AOPEP: variants seen among roughly 807,000 people sequenced by gnomAD.
AOPEP encodes the protein aminopeptidase O (putative).
AOPEP carries 77 observed loss-of-function variants against 98.1 expected under a neutral mutation model. That is an observed-to-expected ratio of 0.78 (90% CI 0.65 to 0.95). AOPEP has a LOEUF of 0.95. Among genes scored for constraint, AOPEP ranks in the 40% least tolerant of loss-of-function variants. The pLI is 0.00. For missense variants in AOPEP, 1,024 were observed against 1,024.7 expected, an observed-to-expected ratio of 1.00 and a Z score of 0.01; for synonymous variants, 346 against 365.3, an observed-to-expected ratio of 0.95 and a Z score of 0.60.
intron 6 of AOPEP, among the ~76,000 whole-genome samples, chr9:94,927,811 C>T (rs1381691573): frequency 1.3e-5 from 2 of 152,252 alleles, no homozygotes; most frequent in African/African-American, 2.4e-5. Flanking sequence ...CTTCCCTCCC[C>T]AGTGGGTGCT....
chr9:95,052,034 T>G (rs2066421639), intron 13 of AOPEP, among the ~76,000 whole-genome samples: 1 of 152,224 alleles, frequency 6.6e-6, no homozygotes, highest in South Asian at 2.1e-4. Flanking sequence ...AAATTTGTAT[T>G]TTTTAGATAT....
At chr9:94,727,241 C>G (rs1320074894) in intron 1 of AOPEP, among the ~76,000 whole-genome samples, 1 of 152,164 alleles carries the variant, frequency 6.6e-6, no homozygotes, top group Non-Finnish European at 1.5e-5. Context: ...TTTGGGGTCC[C>G]TATAGAACAT....
intron 3 of AOPEP, among the ~76,000 whole-genome samples, chr9:94,785,096 G>A (rs756192715): frequency 4.1e-4 from 62 of 151,666 alleles, no homozygotes; most frequent in Non-Finnish European, 7.9e-4. Context: ...CACTATGCCC[G>A]GCTAATTTTG....
At chr9:94,832,258 A>G (rs1426751729) in intron 5 of AOPEP, among the ~76,000 whole-genome samples, 1 of 152,232 alleles carries the variant, frequency 6.6e-6, no homozygotes, top group Non-Finnish European at 1.5e-5. Context: ...AGCTAGAGAT[A>G]AGAACAAACA....
At chr9:95,013,513 CTACAA>C (rs1208008803) in intron 13 of AOPEP, among the ~76,000 whole-genome samples, 2 of 150,802 alleles carry the variant, frequency 1.3e-5, no homozygotes, top group Non-Finnish European at 2.9e-5. Flanking sequence ...TGGACTGTGT[CTACAA>C]TGTCAGAGCA....
intron 5 of AOPEP, among the ~76,000 whole-genome samples, chr9:94,845,402 A>G (rs1488254060): frequency 6.6e-6 from 1 of 152,198 alleles, no homozygotes; most frequent in Non-Finnish European, 1.5e-5. Context: ...GGGGCCTTAC[A>G]GGGTTTTTAT....
chr9:94,917,818 C>T (rs1348796460), intron 5 of AOPEP, among the ~76,000 whole-genome samples: 1 of 152,120 alleles, frequency 6.6e-6, no homozygotes, highest in East Asian at 1.9e-4. Context: ...CTACCCTCAG[C>T]CTGTTGGCCT....
chr9:94,786,345 G>T (rs1209472607), intron 3 of AOPEP, among the ~76,000 whole-genome samples: 1 of 152,170 alleles, frequency 6.6e-6, no homozygotes, highest in Non-Finnish European at 1.5e-5. Context: ...GCAGAGCAGG[G>T]AATTGAACCC....
chr9:94,993,633 A>C (rs1419664181), intron 11 of AOPEP, among the ~76,000 whole-genome samples: 1 of 152,180 alleles, frequency 6.6e-6, no homozygotes, highest in Non-Finnish European at 1.5e-5. Flanking sequence ...CTACATGCTA[A>C]AAATATTTTC....
chr9:94,994,641 A>G, intron 11 of AOPEP, among the ~76,000 whole-genome samples: 1 of 152,156 alleles, frequency 6.6e-6, no homozygotes, highest in East Asian at 1.9e-4. Flanking sequence ...TGGTATCTTC[A>G]GAGAGCAATG....
chr9:95,103,518 G>A, the AOPEP span, among the ~76,000 whole-genome samples: 1 of 152,216 alleles, frequency 6.6e-6, no homozygotes, highest in Non-Finnish European at 1.5e-5. Flanking sequence ...AGCCCCAGGG[G>A]TGGACTCCAT....
At chr9:95,056,686 C>T (rs184992279) in intron 13 of AOPEP, among the ~76,000 whole-genome samples, 1 of 152,238 alleles carries the variant, frequency 6.6e-6, no homozygotes, top group African/African-American at 2.4e-5. Flanking sequence ...CATTCAAAGT[C>T]GTACAGCTTG....
intron 5 of AOPEP, among the ~76,000 whole-genome samples, chr9:94,919,095 T>A (rs2053231890): frequency 6.6e-6 from 1 of 152,082 alleles, no homozygotes. Flanking sequence ...TTTATATTTT[T>A]AGTACAGACA....
Position 94,930,927 on chromosome 9 carries a change from G to A in AOPEP, c.1661+2396G>A, listed in dbSNP as rs530558258. Among the ~76,000 whole-genome samples the A allele has an allele frequency of 2.2e-4, 34 of 152,150 alleles. No homozygotes were observed. The highest frequency in any genetic ancestry group is 4.1e-4 in the Non-Finnish European group (28 of 68,024). ...TTTCAGGTAGGGCGCCCAGGAGCAT[G>A]CTTACCTGCGAGCTGCCTCACTGTG... On this transcript the variant is annotated intron_variant, in intron 7 of 16. Transcript: ENST00000375315. This position sits in a 1 kb window ranked among gnomAD's most constrained non-coding sequence, Gnocchi z 4.5.
chr9:95,066,605 C>A (rs567793537), intron 14 of AOPEP, among the ~76,000 whole-genome samples: 1 of 152,088 alleles, frequency 6.6e-6, no homozygotes, highest in Non-Finnish European at 1.5e-5. Context: ...GTGTCCCTGC[C>A]GTCTGCTGTT....
the AOPEP span, chr9:95,101,457 C>T: frequency 2.3e-4 from 128 of 555,428 alleles, 1 homozygote; most frequent in East Asian, 3.6e-3. Context: ...TCTGGCCGGG[C>T]GGGCACCAGG....
In AOPEP at chr9:94,842,390, CAAAAT is replaced by C. The variant is rs550299732; in HGVS notation, c.1364+41393_1364+41397del. ...AAAAAGAAAAACAACAACAAACAAA[CAAAAT>C]AAAACCAAAACTAAGTTTATAAAAA... is the stretch of plus-strand genomic sequence containing the variant. On this transcript the variant is annotated intron_variant, in intron 5 of 16. Coordinates refer to ENST00000375315, the MANE Select transcript of AOPEP (RefSeq NM_001193329.3). Among the ~76,000 whole-genome samples the C allele has an allele frequency of 4.0e-4, 61 of 152,138 alleles. 1 individual carries two copies. The South Asian group carries it at 0.013, about 32-fold the overall frequency.
chr9:94,916,987 C>T (rs1423841207), intron 5 of AOPEP, among the ~76,000 whole-genome samples: 2 of 152,146 alleles, frequency 1.3e-5, no homozygotes, highest in African/African-American at 2.4e-5. Context: ...CTGTTTCTCC[C>T]TCTGATTCTT....
At chr9:94,873,195 G>A (rs2046546640) in intron 5 of AOPEP, among the ~76,000 whole-genome samples, 1 of 152,112 alleles carries the variant, frequency 6.6e-6, no homozygotes, top group Admixed American at 6.6e-5. Context: ...GTTTCCAGGG[G>A]CATTGTTTCT....
Sources: gnomAD v4.1 joint callset for allele counts (sites outside exome capture counted in the v4.1 genomes callset) on GRCh38, gnomAD v4.1.1 for gene constraint, Gnocchi (gnomAD v3.1) non-coding constraint, MANE v1.5 for transcripts, NCBI Gene and HGNC (gene_info 2026-07-23, HGNC 2026-07-21) for gene names.